Variants in FCSK observed in about 807,000 individuals in gnomAD.
The protein encoded by FCSK is fucose kinase.
A neutral mutation model predicts 122.5 loss-of-function variants in FCSK; 123 were observed. The observed-to-expected ratio is 1.00, with a 90% confidence interval of 0.87 to 1.17. The LOEUF (loss-of-function observed/expected upper bound fraction) is 1.17. FCSK is among the 50% of genes most tolerant of loss of function. FCSK has a pLI of 0.00. For missense variants in FCSK, 1,366 were observed against 1,450.4 expected (o/e 0.94, Z 0.95); for synonymous variants, 620 against 625.5 (o/e 0.99, Z 0.13).
rs575131776 is a variant in FCSK, at chr16:70,473,346, G to C, written c.1770G>C (p.Leu590=). The C allele has an allele frequency of 6.7e-7, 1 of 1,500,448 alleles. No homozygotes were observed. Among genetic ancestry groups the C allele is most frequent in the Admixed American group, 2.1e-5 (1 of 47,226 alleles). The allele number at this position is 1,500,448 out of a possible 1,614,324, so 92.9% of individuals were successfully genotyped here. A position where few individuals can be genotyped will look rare whatever the true frequency, so the allele number is the denominator to read the frequency against. The part of the protein sequence containing the change: ...EGCPGPLLAT[L]DQVAAGAGDP... ...GCCCCGGGCCCCTGCTGGCCACGCT[G>C]GACCAGGGTGAGTGTGCAGGCTGGT... is the stretch of plus-strand genomic sequence containing the variant. Residue 590 remains leucine (L), a synonymous_variant, in exon 15 of 24, where the codon CTG becomes CTC. Coordinates refer to ENST00000288078, the MANE Select transcript of FCSK (RefSeq NM_145059.3). The surrounding 1 kb of genome is among the most constrained non-coding windows in gnomAD (Gnocchi z 4.9).
chr16:70,460,478 C>T (rs1258114234), intron 1 of FCSK, among the ~76,000 whole-genome samples: 1 of 151,696 alleles, frequency 6.6e-6, no homozygotes, highest in East Asian at 1.9e-4. Context: ...GATCTTGGCT[C>T]ACTGCAACCT....
At chr16:70,468,471 G>T (rs544763484) in intron 8 of FCSK, among the ~76,000 whole-genome samples, 1 of 152,046 alleles carries the variant, frequency 6.6e-6, no homozygotes, top group African/African-American at 2.4e-5. Context: ...AAACTCAAAC[G>T]AAAAAAGAAA....
Position 70,474,893 on chromosome 16 carries a change from C to G in FCSK, c.2259C>G (p.Arg753=), listed in dbSNP as rs2048752230. 1 of 1,607,498 alleles carries G rather than the reference C, an allele frequency of 6.2e-7. No individual in the cohort carries two copies. The highest frequency in any genetic ancestry group is 1.7e-5 in the Admixed American group (1 of 59,402). The part of the protein sequence containing the change: ...DGRRPIGARA[R]RIPEPELWLA... ...GCCGGCCCATCGGAGCCAGGGCACG[C>G]CGCATCCCGGAGCCTGAGCTGTGGC... The change falls in exon 18 of 24, where the codon CGC becomes CGG. Residue 753 remains arginine (R), a synonymous_variant. Transcript: ENST00000288078.
Position 70,470,561 on chromosome 16 carries a change from G to A in FCSK, c.1068+135G>A, listed in dbSNP as rs2048580799. 18 of 639,790 alleles carry A rather than the reference G, an allele frequency of 2.8e-5. No homozygotes were observed. The South Asian group carries it at 3.1e-4, about 11-fold the overall frequency. The allele number at this position is 639,790 out of a possible 1,614,324, so 39.6% of individuals were successfully genotyped here. A position where few individuals can be genotyped will look rare whatever the true frequency, so the allele number is the denominator to read the frequency against. On this transcript the variant is annotated intron_variant, in intron 11 of 23. Coordinates refer to ENST00000288078, the MANE Select transcript of FCSK (RefSeq NM_145059.3). ...TGTTACCCTGGTTTACACATGAAGT[G>A]CTGGAGGCTCAGAGAGGCTAAGTAA...
In FCSK at chr16:70,459,358, G is replaced by A. The variant is rs537508987; in HGVS notation, c.-22-3811G>A. On this transcript the variant is annotated intron_variant, in intron 1 of 23. Transcript: ENST00000288078. ...TTGAGACCAGCCTGGCCAACATGGT[G>A]AAACCCTGTCTTTACTAAAAATACA... Among the ~76,000 whole-genome samples the A allele has an allele frequency of 9.2e-5, 14 of 152,118 alleles. No homozygotes were observed. The East Asian group carries it at 2.3e-3, about 25-fold the overall frequency.
chr16:70,465,084 C>T (rs745400838), intron 3 of FCSK, 42 bp from the exon 4 acceptor site: 2 of 1,611,196 alleles, frequency 1.2e-6, no homozygotes, highest in Non-Finnish European at 1.7e-6. Flanking sequence ...TCCAGGGCGT[C>T]TGCCTGAGGC....
In FCSK at chr16:70,471,176, C is replaced by A. The variant is rs745975757; in HGVS notation, c.1171-6C>A. ...CACCCAGGATGCCTGCCCTGTCCCC[C>A]ACCAGGGCCCCATTCACATAGGCGC... On this transcript the variant is annotated splice_polypyrimidine_tract_variant and splice_region_variant and intron_variant, in intron 12 of 23. Coordinates refer to ENST00000288078, the MANE Select transcript of FCSK (RefSeq NM_145059.3). 42 of 1,599,894 alleles carry A rather than the reference C, an allele frequency of 2.6e-5. No homozygotes were observed. The East Asian group carries it at 2.7e-4, about 10-fold the overall frequency.
At chr16:70,472,203 G>A (rs1347752944) in intron 13 of FCSK, among the ~76,000 whole-genome samples, 3 of 152,256 alleles carry the variant, frequency 2.0e-5, no homozygotes, top group East Asian at 3.9e-4. Context: ...TGGTGGGCTG[G>A]GCCTGGAACC....
rs748840018 is a variant in FCSK at position 70,472,967 on chromosome 16, C to T, written c.1407-16C>T. 13 of 1,592,808 alleles carry T rather than the reference C, an allele frequency of 8.2e-6. No homozygotes were observed. Among genetic ancestry groups the T allele is most frequent in the Non-Finnish European group, 9.4e-6 (11 of 1,170,608 alleles). ...TTTTGCTTCCCTCCTGGGAATGTGC[C>T]TTCTCCCCACATCAGAGCCTGGGAC... is the stretch of plus-strand genomic sequence containing the variant. On this transcript the variant is annotated splice_polypyrimidine_tract_variant and intron_variant, in intron 14 of 23. Coordinates refer to ENST00000288078, the MANE Select transcript of FCSK (RefSeq NM_145059.3).
chr16:70,468,020 G>T (rs1392148722), intron 8 of FCSK, 54 bp downstream of exon 8: 4 of 1,368,240 alleles, frequency 2.9e-6, no homozygotes, highest in Non-Finnish European at 4.2e-6. Flanking sequence ...GGGACAGGGA[G>T]GGAGGGTCTG....
At chr16:70,466,327 G>A in intron 5 of FCSK, 70 bp downstream of exon 5, 1 of 1,584,980 alleles carries the variant, frequency 6.3e-7, no homozygotes, top group South Asian at 1.1e-5. Flanking sequence ...GTTCCCCCAG[G>A]TATGATCTAT....
chr16:70,461,098 G>T (rs2048250842), intron 1 of FCSK, among the ~76,000 whole-genome samples: 1 of 152,212 alleles, frequency 6.6e-6, no homozygotes, highest in Non-Finnish European at 1.5e-5. Context: ...GAAGGCGTGG[G>T]TGTTGCTGAG....
rs533268694 is a variant in FCSK at position 70,474,000 on chromosome 16, T to C, written c.1778-129T>C. On this transcript the variant is annotated intron_variant, in intron 15 of 23. Transcript: ENST00000288078. The surrounding 1 kb of genome is among the most constrained non-coding windows in gnomAD (Gnocchi z 4.9). ...GCAGGAGTGCAGTTACAGTCAAAGA[T>C]ACATTGTGGGCAAAAGCCAGGAGGT... 9 of 810,234 alleles carry C rather than the reference T, an allele frequency of 1.1e-5. No individual in the cohort carries two copies. The highest frequency in any genetic ancestry group is 5.3e-5 in the East Asian group (2 of 37,622). The allele number at this position is 810,234 out of a possible 1,614,324, so 50.2% of individuals were successfully genotyped here. A position where few individuals can be genotyped will look rare whatever the true frequency, so the allele number is the denominator to read the frequency against.
At chr16:70,468,074 C>A in intron 8 of FCSK, 108 bp downstream of exon 8, 1 of 841,944 alleles carries the variant, frequency 1.2e-6, no homozygotes, top group Non-Finnish European at 2.0e-6. Context: ...CAAGCTAGAG[C>A]TAGAATCTGA....
chr16:70,456,429 A>C (rs2048095788), intron 1 of FCSK, among the ~76,000 whole-genome samples: 1 of 152,122 alleles, frequency 6.6e-6, no homozygotes, highest in African/African-American at 2.4e-5. Flanking sequence ...GTATCATTTT[A>C]CCTTTTTTGT....
Position 70,471,164 on chromosome 16 carries a change from T to C in FCSK, c.1171-18T>C. The C allele has an allele frequency of 6.3e-7, 1 of 1,597,886 alleles. No individual in the cohort carries two copies. Among genetic ancestry groups the C allele is most frequent in the Non-Finnish European group, 8.5e-7 (1 of 1,170,524 alleles). ...TGGGTGCCTGCCCACCCAGGATGCC[T>C]GCCCTGTCCCCCACCAGGGCCCCAT... On this transcript the variant is annotated intron_variant, in intron 12 of 23. Transcript: ENST00000288078.
chr16:70,475,507 G>A lies in FCSK; in HGVS notation c.2521+14G>A, dbSNP rs1393176915. 8 of 1,600,480 alleles carry A rather than the reference G, an allele frequency of 5.0e-6. No individual in the cohort carries two copies. The African/African-American group carries it at 9.4e-5, about 19-fold the overall frequency. ...GCTCTGGCCTGGGTGAGCGGGCCCTGCCTCCTGCTACCCACCGACTGTTAC... is the reference window on the plus strand; with the variant it reads ...GCTCTGGCCTGGGTGAGCGGGCCCTACCTCCTGCTACCCACCGACTGTTAC... On this transcript the variant is annotated intron_variant, in intron 19 of 23. Coordinates refer to ENST00000288078, the MANE Select transcript of FCSK (RefSeq NM_145059.3).
intron 7 of FCSK, 186 bp from the exon 8 acceptor site, chr16:70,467,700 C>T (rs373731775): frequency 6.2e-5 from 40 of 645,046 alleles, no homozygotes; most frequent in Middle Eastern, 5.9e-4. Flanking sequence ...GCTGCAAAGA[C>T]CTTTAAAGCC....
intron 2 of FCSK, 98 bp downstream of exon 2, chr16:70,463,370 C>A: frequency 6.5e-6 from 7 of 1,077,572 alleles, no homozygotes; most frequent in Non-Finnish European, 9.7e-6. Context: ...AACCTGGGTT[C>A]AAACCCAGAT....
Sources: allele counts gnomAD v4.1 joint callset (sites outside exome capture counted in the v4.1 genomes callset), GRCh38; gene constraint gnomAD v4.1.1; non-coding constraint Gnocchi (gnomAD v3.1); transcripts MANE v1.5; gene names NCBI Gene and HGNC (gene_info 2026-07-23, HGNC 2026-07-21).